The following USP10 variants were observed in gnomAD, a reference collection of about 807,000 sequenced individuals.
USP10 encodes ubiquitin specific peptidase 10.
Under a neutral mutation model 84.5 loss-of-function variants are expected in USP10, and 22 were observed. That is an observed-to-expected ratio of 0.26 (90% CI 0.19 to 0.37). The LOEUF (loss-of-function observed/expected upper bound fraction) is 0.37. USP10 is among the 10% of genes least tolerant of loss of function. The probability of loss-of-function intolerance (pLI) is 1.00; values close to 1 mark genes in which losing one functional copy is unlikely to be tolerated. For missense variants in USP10, 1,019 were observed against 998.9 expected (o/e 1.02, Z -0.27); for synonymous variants, 454 against 387.6 (o/e 1.17, Z -2.01).
At chr16:84,752,269 G>A (rs989727227) in intron 4 of USP10, among the ~76,000 whole-genome samples, 4 of 152,318 alleles carry the variant, frequency 2.6e-5, no homozygotes, top group African/African-American at 9.6e-5. Flanking sequence ...TAAAGTTGCT[G>A]TCTGAACAGT....
chr16:84,751,004 A>G (rs1394263013), intron 4 of USP10, among the ~76,000 whole-genome samples: 3 of 152,232 alleles, frequency 2.0e-5, no homozygotes, highest in South Asian at 2.1e-4. Flanking sequence ...GTCCGTGTTT[A>G]TTTAAGTGTA....
chr16:84,759,765 A>G, intron 6 of USP10, 126 bp from the exon 7 acceptor site: 1 of 977,134 alleles, frequency 1.0e-6, no homozygotes, highest in Non-Finnish European at 1.6e-6. Flanking sequence ...ACTAGCTGTT[A>G]CAGCATTGGT....
Position 84,751,513 on chromosome 16 carries a change from TGA to T in USP10, c.1192+5844_1192+5845del, listed in dbSNP as rs543886546. Among the ~76,000 whole-genome samples the T allele has an allele frequency of 2.4e-3, 364 of 152,380 alleles. 1 individual carries two copies. The highest frequency in any genetic ancestry group is 8.2e-3 in the African/African-American group (341 of 41,592). Reference sequence around the variant, plus strand: ...TTTACCGGGATCCACCCTTGTGGACTGAGAGTTTAGTCCACATCTGATTCGAT... The same window carrying T: ...TTTACCGGGATCCACCCTTGTGGACTGAGTTTAGTCCACATCTGATTCGAT... On this transcript the variant is annotated intron_variant, in intron 4 of 13. Coordinates refer to ENST00000219473, the MANE Select transcript of USP10 (RefSeq NM_005153.3).
intron 1 of USP10, among the ~76,000 whole-genome samples, chr16:84,731,060 A>G (rs1162593003): frequency 6.9e-6 from 1 of 144,480 alleles, no homozygotes; most frequent in African/African-American, 2.6e-5. Flanking sequence ...GCTTGCTGCA[A>G]CCTCCACCTC....
At chr16:84,739,431 C>G (rs146363424) in intron 2 of USP10, among the ~76,000 whole-genome samples, 207 of 152,190 alleles carry the variant, frequency 1.4e-3, no homozygotes, top group Admixed American at 2.5e-3. Flanking sequence ...GCCACCACGC[C>G]CAGCTGATTT....
At chr16:84,741,705 C>T (rs1471432895) in intron 3 of USP10, among the ~76,000 whole-genome samples, 1 of 152,226 alleles carries the variant, frequency 6.6e-6, no homozygotes, top group African/African-American at 2.4e-5. Flanking sequence ...TGGAATCTTG[C>T]CACCAGTTTG....
chr16:84,759,152 C>G, intron 5 of USP10: 1 of 601,152 alleles, frequency 1.7e-6, no homozygotes, highest in Middle Eastern at 4.4e-4. Context: ...TGAATACAAA[C>G]GACTGACTGC....
At chr16:84,762,875 C>T in intron 8 of USP10, 114 bp from the exon 9 acceptor site, 1 of 593,504 alleles carries the variant, frequency 1.7e-6, no homozygotes, top group East Asian at 2.6e-5. Context: ...TTTGGAAATA[C>T]TTTACATCTT....
In USP10 at chr16:84,744,795, C is replaced by G. The variant is rs200971353; in HGVS notation, c.314C>G (p.Thr105Ser). Residue 105 changes from threonine to serine, a missense_variant, in exon 4 of 14, where the codon ACT becomes AGT. By Grantham distance (58) the Thr-to-Ser change is moderately conservative. This residue lies in a region of USP10 where 787 missense variants were observed against 708.8 expected (regional missense o/e 1.11). Coordinates refer to ENST00000219473, the MANE Select transcript of USP10 (RefSeq NM_005153.3). Reference sequence around the variant, plus strand: ...TCCAAAATAACCCCTGATGGTATCACTAAAGAAGCAAGCTATGGCTCCATC... The same window carrying G: ...TCCAAAATAACCCCTGATGGTATCAGTAAAGAAGCAAGCTATGGCTCCATC... ...TASKITPDGI[T>S]KEASYGSIDC... The G allele has an allele frequency of 2.0e-5, 32 of 1,613,572 alleles. 1 individual carries two copies. The highest frequency in any genetic ancestry group is 2.5e-5 in the Non-Finnish European group (29 of 1,179,722).
intron 1 of USP10, among the ~76,000 whole-genome samples, chr16:84,717,779 G>A (rs1907240826): frequency 6.6e-6 from 1 of 152,156 alleles, no homozygotes; most frequent in Non-Finnish European, 1.5e-5. Flanking sequence ...TACTGCCTTT[G>A]ATTCATTGAG....
intron 9 of USP10, among the ~76,000 whole-genome samples, chr16:84,763,713 G>T (rs1913478220): frequency 6.6e-6 from 1 of 151,724 alleles, no homozygotes; most frequent in African/African-American, 2.4e-5. Flanking sequence ...GGATCAAGTG[G>T]CATTGCAATG....
intron 3 of USP10, among the ~76,000 whole-genome samples, chr16:84,742,642 C>G (rs1370882558): frequency 2.0e-5 from 3 of 152,176 alleles, no homozygotes; most frequent in African/African-American, 7.2e-5. Context: ...TTGTTGAAGC[C>G]AAGCGTGCAG....
At chr16:84,757,787 G>C (rs1422812282) in intron 4 of USP10, among the ~76,000 whole-genome samples, 1 of 152,168 alleles carries the variant, frequency 6.6e-6, no homozygotes, top group Non-Finnish European at 1.5e-5. Context: ...GCTCCTGTGT[G>C]ATCACAGGTG....
In USP10 at chr16:84,772,532, G is replaced by A. The variant is rs370051516; in HGVS notation, c.1999-9G>A. The A allele has an allele frequency of 3.7e-6, 6 of 1,613,504 alleles. No individual in the cohort carries two copies. In the South Asian group the frequency reaches 6.6e-5, roughly 18 times the overall value. ...GGGACGGTGTGTCCTGGTGTGCTTT[G>A]TGTCTTAGGTTGAGATAAGTCGAAG... On this transcript the variant is annotated splice_polypyrimidine_tract_variant and intron_variant, in intron 11 of 13. Transcript: ENST00000219473.
At chr16:84,770,014 CAGG>C (rs1914261708) in intron 11 of USP10, among the ~76,000 whole-genome samples, 1 of 152,112 alleles carries the variant, frequency 6.6e-6, no homozygotes, top group Non-Finnish European at 1.5e-5. Context: ...GAGGCTGAGG[CAGG>C]AGGATTGCCT....
intron 1 of USP10, among the ~76,000 whole-genome samples, chr16:84,704,272 T>C (rs374207952): frequency 6.6e-6 from 1 of 152,264 alleles, no homozygotes; most frequent in East Asian, 1.9e-4. Flanking sequence ...AGGACACTTA[T>C]TACTGGTACT....
At chr16:84,725,841 G>A (rs1908398604) in intron 1 of USP10, among the ~76,000 whole-genome samples, 1 of 152,182 alleles carries the variant, frequency 6.6e-6, no homozygotes, top group Admixed American at 6.5e-5. Context: ...CTTTAATCAT[G>A]CCAAACAGTC....
chr16:84,773,586 C>G (rs892001337), intron 12 of USP10, among the ~76,000 whole-genome samples: 5 of 152,238 alleles, frequency 3.3e-5, no homozygotes, highest in African/African-American at 1.2e-4. Context: ...AAGAGCTGTG[C>G]TTTCTGCTGA....
intron 12 of USP10, among the ~76,000 whole-genome samples, chr16:84,774,701 A>G (rs985505035): frequency 9.9e-5 from 15 of 152,138 alleles, no homozygotes; most frequent in Admixed American, 2.0e-4. Flanking sequence ...CGATCTCCTG[A>G]CCTCGTGATC....
Sources: allele counts gnomAD v4.1 joint callset (sites outside exome capture counted in the v4.1 genomes callset), GRCh38; gene constraint gnomAD v4.1.1; regional missense constraint gnomAD v4.1.1; transcripts MANE v1.5; gene names NCBI Gene and HGNC (gene_info 2026-07-23, HGNC 2026-07-21).